LRP1B: variants seen among roughly 807,000 people sequenced by gnomAD.
The protein encoded by LRP1B is low-density lipoprotein receptor-related protein 1B.
Under a neutral mutation model 556.6 loss-of-function variants are expected in LRP1B, and 217 were observed. The ratio of observed to expected loss-of-function variants is 0.39; its 90% CI spans 0.35 to 0.44. LRP1B has a LOEUF of 0.44. LRP1B is among the 20% of genes least tolerant of loss of function. The probability of loss-of-function intolerance (pLI) is 1.00; values close to 1 mark genes in which losing one functional copy is unlikely to be tolerated. For synonymous variants in LRP1B, 2,047 were observed against 1,865.8 expected, an observed-to-expected ratio of 1.10 and a Z score of -2.50; for missense variants, 5,053 against 5,620.8, an observed-to-expected ratio of 0.90 and a Z score of 3.23.
chr2:141,806,159 A>G (rs1156590934), intron 2 of LRP1B, among the ~76,000 whole-genome samples: 1 of 152,124 alleles, frequency 6.6e-6, no homozygotes, highest in East Asian at 1.9e-4. Flanking sequence ...CATTCCACAG[A>G]AAATTCTAGA....
At chr2:141,835,089 GT>G (rs1697229924) in intron 1 of LRP1B, among the ~76,000 whole-genome samples, 1 of 151,994 alleles carries the variant, frequency 6.6e-6, no homozygotes, top group Non-Finnish European at 1.5e-5. Flanking sequence ...CATAAAAAAT[GT>G]TTCTGATTAT....
At chr2:141,999,757 A>G (rs193146668) in intron 1 of LRP1B, among the ~76,000 whole-genome samples, 103 of 152,048 alleles carry the variant, frequency 6.8e-4, no homozygotes, top group Non-Finnish European at 1.3e-3. Context: ...ATCATTAGAA[A>G]TCATATGAAA....
chr2:141,419,544 G>A (rs1442616902), intron 3 of LRP1B, among the ~76,000 whole-genome samples: 1 of 151,994 alleles, frequency 6.6e-6, no homozygotes, highest in Non-Finnish European at 1.5e-5. Context: ...GCTTTTCTAA[G>A]ATACCCAATT....
intron 3 of LRP1B, among the ~76,000 whole-genome samples, chr2:141,464,291 T>C (rs1015072221): frequency 2.0e-5 from 3 of 152,160 alleles, no homozygotes; most frequent in African/African-American, 7.2e-5. Flanking sequence ...CTAACTTTGA[T>C]TCCTCTAAGC....
intron 11 of LRP1B, among the ~76,000 whole-genome samples, chr2:141,045,878 A>G (rs527892847): frequency 3.3e-5 from 5 of 152,278 alleles, no homozygotes; most frequent in African/African-American, 1.2e-4. Context: ...CATAGTAAAT[A>G]TCTCGTCTTT....
In LRP1B at chr2:140,417,809, A is replaced by G. The variant is rs533542593; in HGVS notation, c.10414+24695T>C. 7.9e-5 allele frequency among the ~76,000 whole-genome samples: 12 copies of G among 152,334 alleles called. No individual in the cohort carries two copies. In the South Asian group the frequency reaches 2.5e-3, roughly 32 times the overall value. The stretch of plus-strand genomic sequence containing the variant: ...TCTGAACTTAACAGCATTTTACAGA[A>G]TGTGATTAAAATTATCAGCAATACA... On this transcript the variant is annotated intron_variant, in intron 66 of 90. Coordinates refer to ENST00000389484, the MANE Select transcript of LRP1B (RefSeq NM_018557.3).
intron 41 of LRP1B, among the ~76,000 whole-genome samples, chr2:140,656,702 G>C (rs1684890231): frequency 6.6e-6 from 1 of 152,036 alleles, no homozygotes; most frequent in Non-Finnish European, 1.5e-5. Flanking sequence ...CTATTTGTCT[G>C]ATTCATTCAA....
intron 83 of LRP1B, among the ~76,000 whole-genome samples, chr2:140,306,396 C>A (rs1684069070): frequency 6.6e-6 from 1 of 150,716 alleles, no homozygotes; most frequent in Non-Finnish European, 1.5e-5. Flanking sequence ...GTGTAAGTGT[C>A]CAGGAATTTA....
chr2:141,276,249 C>A (rs1206523106), intron 3 of LRP1B, among the ~76,000 whole-genome samples: 1 of 152,102 alleles, frequency 6.6e-6, no homozygotes, highest in African/African-American at 2.4e-5. Flanking sequence ...GCACTTACCA[C>A]AGTCTGTAAA....
intron 1 of LRP1B, among the ~76,000 whole-genome samples, chr2:142,101,904 T>G (rs938866181): frequency 5.9e-5 from 9 of 152,024 alleles, no homozygotes; most frequent in Admixed American, 2.6e-4. Flanking sequence ...AACCATTACT[T>G]GAACAAGCTT....
intron 2 of LRP1B, among the ~76,000 whole-genome samples, chr2:141,545,821 G>A (rs1685530189): frequency 6.6e-6 from 1 of 152,146 alleles, no homozygotes; most frequent in Non-Finnish European, 1.5e-5. Context: ...AATGAGAGCA[G>A]CTTCCAAAAG....
chr2:140,936,286 G>A (rs1446131901), intron 20 of LRP1B, among the ~76,000 whole-genome samples: 1 of 143,730 alleles, frequency 7.0e-6, no homozygotes, highest in Non-Finnish European at 1.5e-5. Flanking sequence ...GTTGCAGTGA[G>A]CTGAGATTGT....
intron 1 of LRP1B, among the ~76,000 whole-genome samples, chr2:141,892,149 A>C (rs1427496597): frequency 6.6e-6 from 1 of 152,048 alleles, no homozygotes; most frequent in Non-Finnish European, 1.5e-5. Context: ...AAATTATTCC[A>C]CTGGAAATAA....
intron 18 of LRP1B, among the ~76,000 whole-genome samples, chr2:140,972,973 A>G (rs1696478457): frequency 6.8e-6 from 1 of 147,932 alleles, no homozygotes; most frequent in South Asian, 2.1e-4. Flanking sequence ...TATAATACAT[A>G]TATGTAAATA....
At chr2:141,730,507 T>A (rs988066626) in intron 2 of LRP1B, among the ~76,000 whole-genome samples, 1 of 152,190 alleles carries the variant, frequency 6.6e-6, no homozygotes, top group Non-Finnish European at 1.5e-5. Flanking sequence ...CTTGTCTACA[T>A]TTGAAGGCTA....
chr2:141,190,301 T>A (rs1358226030), intron 6 of LRP1B, among the ~76,000 whole-genome samples: 1 of 152,032 alleles, frequency 6.6e-6, no homozygotes, highest in East Asian at 1.9e-4. Flanking sequence ...CTCCTCTTAA[T>A]ATGTCTGCTG....
At chr2:141,549,570 TTA>T (rs1311371409) in intron 2 of LRP1B, among the ~76,000 whole-genome samples, 6 of 152,182 alleles carry the variant, frequency 3.9e-5, no homozygotes, top group African/African-American at 1.4e-4. Flanking sequence ...TTTCTCTTTT[TTA>T]TATGTTTTTA....
At chr2:142,121,451 A>G (rs1282733726) in intron 1 of LRP1B, among the ~76,000 whole-genome samples, 1 of 152,126 alleles carries the variant, frequency 6.6e-6, no homozygotes, top group African/African-American at 2.4e-5. Flanking sequence ...TCCCAAACAC[A>G]CACAGTTTAT....
intron 2 of LRP1B, among the ~76,000 whole-genome samples, chr2:141,630,816 A>G (rs78912237): frequency 0.053 from 8,006 of 152,218 alleles, 243 homozygotes; most frequent in South Asian, 0.087. Flanking sequence ...CCAACTATCA[A>G]TTGTGCATAT....
Sources: allele counts gnomAD v4.1 joint callset (sites outside exome capture counted in the v4.1 genomes callset), GRCh38; gene constraint gnomAD v4.1.1; transcripts MANE v1.5; gene names NCBI Gene and HGNC (gene_info 2026-07-23, HGNC 2026-07-21).